The following LPP variants were observed in gnomAD, a reference collection of about 807,000 sequenced individuals.
The protein encoded by LPP is lipoma-preferred partner.
Under a neutral mutation model 60.4 loss-of-function variants are expected in LPP, and 38 were observed. That is an observed-to-expected ratio of 0.63 (90% CI 0.49 to 0.83). LPP has a LOEUF of 0.83. Ranked by LOEUF, LPP falls within the 40% of genes least tolerant of loss-of-function variation. LPP has a pLI of 0.00. For missense variants in LPP, 902 were observed against 783.6 expected (o/e 1.15, Z -1.80); for synonymous variants, 328 against 290.8 (o/e 1.13, Z -1.30).
intron 4 of LPP, among the ~76,000 whole-genome samples, chr3:188,473,926 A>G (rs937286746): frequency 1.3e-5 from 2 of 152,198 alleles, no homozygotes; most frequent in African/African-American, 4.8e-5. Flanking sequence ...TATACTTTGA[A>G]GACATACCCT....
At chr3:188,590,260 ACT>A (rs1330066693) in intron 6 of LPP, among the ~76,000 whole-genome samples, 1 of 152,102 alleles carries the variant, frequency 6.6e-6, no homozygotes, top group African/African-American at 2.4e-5. Context: ...TAAAATAAAT[ACT>A]CTTTCATTTT....
chr3:188,356,761 G>T (rs1028599135), intron 3 of LPP, among the ~76,000 whole-genome samples: 4 of 152,084 alleles, frequency 2.6e-5, no homozygotes, highest in African/African-American at 9.7e-5. Context: ...ATTTGTTTCT[G>T]ATTTTAATCT....
intron 9 of LPP, among the ~76,000 whole-genome samples, chr3:188,794,578 G>A (rs929261899): frequency 2.6e-5 from 4 of 152,108 alleles, no homozygotes; most frequent in Non-Finnish European, 5.9e-5. Flanking sequence ...TTAGAAAAAC[G>A]ATTTGTTGGA....
intron 1 of LPP, among the ~76,000 whole-genome samples, chr3:188,161,521 A>G (rs1718277087): frequency 6.6e-6 from 1 of 152,176 alleles, no homozygotes; most frequent in Non-Finnish European, 1.5e-5. Flanking sequence ...CCAGCCAAGC[A>G]TGGACTGGGG....
At chr3:188,624,617 TG>T (rs1263234450) in intron 7 of LPP, among the ~76,000 whole-genome samples, 1 of 152,222 alleles carries the variant, frequency 6.6e-6, no homozygotes, top group Non-Finnish European at 1.5e-5. Context: ...GTGGCAGTTC[TG>T]TGAGTTCTAG....
chr3:188,613,255 TCTATAC>T (rs201942342), intron 7 of LPP, among the ~76,000 whole-genome samples: 3,288 of 131,132 alleles, frequency 0.025, 117 homozygotes, highest in African/African-American at 0.094. Context: ...TATATCTATA[TCTATAC>T]CTATATCTAT....
intron 7 of LPP, among the ~76,000 whole-genome samples, chr3:188,661,155 C>T (rs4618214): frequency 0.93 from 141,239 of 152,192 alleles, 66,388 homozygotes; most frequent in East Asian, 1. Context: ...TCCATGTCTT[C>T]TCATGGCTTG....
chr3:188,717,595 G>A (rs1454501710), intron 8 of LPP, among the ~76,000 whole-genome samples: 1 of 151,966 alleles, frequency 6.6e-6, no homozygotes, highest in Non-Finnish European at 1.5e-5. Context: ...TTTTGGTTTT[G>A]TTTCTCTCTA....
chr3:188,490,486 G>A (rs575617515), intron 5 of LPP, among the ~76,000 whole-genome samples: 1 of 150,710 alleles, frequency 6.6e-6, no homozygotes, highest in Non-Finnish European at 1.5e-5. Flanking sequence ...TCAGCCCACC[G>A]AGTAGCTGGG....
intron 6 of LPP, among the ~76,000 whole-genome samples, chr3:188,582,671 C>T (rs369158298): frequency 6.6e-6 from 1 of 152,260 alleles, no homozygotes; most frequent in East Asian, 1.9e-4. Context: ...CTGCTTATCG[C>T]TCAGGTGCAT....
At chr3:188,790,715 G>A (rs1478238447) in intron 9 of LPP, among the ~76,000 whole-genome samples, 5 of 151,744 alleles carry the variant, frequency 3.3e-5, no homozygotes, top group Admixed American at 3.3e-4. Flanking sequence ...CCAGCTACTC[G>A]GGAGGCTGAG....
rs1301660249 is a variant in LPP, at chr3:188,869,201, G to A, written c.1589+2823G>A. Among the ~76,000 whole-genome samples, 3 of 152,206 alleles carry A rather than the reference G, an allele frequency of 2.0e-5. No homozygotes were observed. The East Asian group carries it at 5.8e-4, about 29-fold the overall frequency. On this transcript the variant is annotated intron_variant, in intron 10 of 11. Transcript: ENST00000617246. Reference sequence around the variant, plus strand: ...TGCTTTGCTGTAACTAGAGCAGCCTGGGAGTAGAGATTACCTTGAGATACA... The same window carrying A: ...TGCTTTGCTGTAACTAGAGCAGCCTAGGAGTAGAGATTACCTTGAGATACA...
intron 3 of LPP, among the ~76,000 whole-genome samples, chr3:188,369,071 C>G (rs1772209215): frequency 6.6e-6 from 1 of 152,014 alleles, no homozygotes; most frequent in Non-Finnish European, 1.5e-5. Flanking sequence ...ATGTGATTCT[C>G]TCTCCTCCCA....
chr3:188,450,205 A>G (rs564836097), intron 4 of LPP, among the ~76,000 whole-genome samples: 1 of 152,318 alleles, frequency 6.6e-6, no homozygotes, highest in Non-Finnish European at 1.5e-5. Context: ...AGACATTGGT[A>G]TTAGTTTTTT....
At chr3:188,515,014 T>A (rs1461562196) in intron 5 of LPP, among the ~76,000 whole-genome samples, 1 of 152,134 alleles carries the variant, frequency 6.6e-6, no homozygotes, top group Non-Finnish European at 1.5e-5. Flanking sequence ...CTGAAAAGGA[T>A]GAAATAATGT....
intron 7 of LPP, among the ~76,000 whole-genome samples, chr3:188,636,125 T>A (rs1848687571): frequency 6.6e-6 from 1 of 152,224 alleles, no homozygotes; most frequent in African/African-American, 2.4e-5. Context: ...GGGTGATTTC[T>A]GCATTTCCAT....
intron 2 of LPP, among the ~76,000 whole-genome samples, chr3:188,324,006 G>C (rs1292425205): frequency 2.0e-5 from 3 of 152,124 alleles, no homozygotes; most frequent in African/African-American, 7.2e-5. Context: ...GGTTGACACA[G>C]AATAAGCTTT....
chr3:188,492,762 A>T (rs1409192540), intron 5 of LPP, among the ~76,000 whole-genome samples: 5 of 152,154 alleles, frequency 3.3e-5, no homozygotes, highest in Non-Finnish European at 7.4e-5. Context: ...ATATTTTCAA[A>T]TTTATTTCTC....
At chr3:188,407,962 A>G (rs1045784783) in intron 4 of LPP, among the ~76,000 whole-genome samples, 4 of 151,296 alleles carry the variant, frequency 2.6e-5, no homozygotes, top group African/African-American at 9.7e-5. Flanking sequence ...CTAATTTTGT[A>G]TTTTTAGTAG....
Sources: gnomAD v4.1 joint callset for allele counts (sites outside exome capture counted in the v4.1 genomes callset) on GRCh38, gnomAD v4.1.1 for gene constraint, MANE v1.5 for transcripts, NCBI Gene and HGNC (gene_info 2026-07-23, HGNC 2026-07-21) for gene names.